The following MGME1 variants were observed in gnomAD, a reference collection of about 807,000 sequenced individuals.
MGME1 encodes chromosome 20 open reading frame 72.
A neutral mutation model predicts 33.0 loss-of-function variants in MGME1; 22 were observed. That is an observed-to-expected ratio of 0.67 (90% CI 0.48 to 0.95). The LOEUF (loss-of-function observed/expected upper bound fraction) is 0.95. Ranked by LOEUF, MGME1 falls within the 40% of genes least tolerant of loss-of-function variation. The probability of loss-of-function intolerance (pLI) is 0.00; values close to 1 mark genes in which losing one functional copy is unlikely to be tolerated. For synonymous variants in MGME1, 133 were observed against 144.0 expected, an observed-to-expected ratio of 0.92 and a Z score of 0.55; for missense variants, 383 against 397.8, an observed-to-expected ratio of 0.96 and a Z score of 0.32.
At chr20:17,969,670 A>G in intron 1 of MGME1, 131 bp from the exon 2 acceptor site, 1 of 555,442 alleles carries the variant, frequency 1.8e-6, no homozygotes, top group Non-Finnish European at 3.1e-6. Context: ...TTTTTTTTGG[A>G]GGCAGGGTCT....
At chr20:17,985,690 A>G (rs2036138124) in intron 3 of MGME1, among the ~76,000 whole-genome samples, 1 of 152,080 alleles carries the variant, frequency 6.6e-6, no homozygotes, top group Admixed American at 6.6e-5. Context: ...CTTTTATACC[A>G]CATTTTTACT....
intron 3 of MGME1, among the ~76,000 whole-genome samples, chr20:17,986,807 A>C (rs1033840911): frequency 9.9e-5 from 15 of 152,050 alleles, no homozygotes; most frequent in Non-Finnish European, 1.5e-4. Context: ...TCAATATTTT[A>C]TAGTTTTCAG....
upstream of MGME1, chr20:17,968,611 G>A (rs760847499): frequency 1.8e-4 from 113 of 634,352 alleles, no homozygotes; most frequent in Middle Eastern, 3.8e-4. Context: ...GAGCAGGCGA[G>A]CAGGGCGCCA....
chr20:17,990,073 G>GAACCAGAATATTCAGA lies in MGME1; in HGVS notation c.1017_1032dup (p.Ter345ThrfsTer32), dbSNP rs958437089. Reference sequence around the variant, plus strand: ...TAGAAGAATATACGGAAAAGAAAAAGAACCAGAATATTCAGAAACCAGAAT... The same window carrying GAACCAGAATATTCAGA: ...TAGAAGAATATACGGAAAAGAAAAAGAACCAGAATATTCAGAAACCAGAATATTCAGAAACCAGAAT... On this transcript the variant is annotated frameshift_variant, in exon 5 of 5. Coordinates refer to ENST00000377710, the MANE Select transcript of MGME1 (RefSeq NM_052865.4). LOFTEE classifies it high-confidence loss of function. The GAACCAGAATATTCAGA allele has an allele frequency of 1.2e-6, 2 of 1,613,924 alleles. No individual in the cohort carries two copies. Among genetic ancestry groups the GAACCAGAATATTCAGA allele is most frequent in the South Asian group, 1.1e-5 (1 of 91,080 alleles).
intron 3 of MGME1, among the ~76,000 whole-genome samples, chr20:17,984,208 C>T (rs2036100305): frequency 6.6e-6 from 1 of 152,182 alleles, no homozygotes; most frequent in African/African-American, 2.4e-5. Flanking sequence ...AATCAATTGA[C>T]TGTAAATTCA....
chr20:17,983,349 G>C (rs2036081432), intron 3 of MGME1, among the ~76,000 whole-genome samples: 1 of 150,816 alleles, frequency 6.6e-6, no homozygotes, highest in Non-Finnish European at 1.5e-5. Context: ...CACTTAGGTT[G>C]TTTCCGCATC....
chr20:17,971,238 C>T (rs1441781003), intron 2 of MGME1, among the ~76,000 whole-genome samples: 2 of 152,184 alleles, frequency 1.3e-5, no homozygotes, highest in Non-Finnish European at 2.9e-5. Context: ...GTCACATGTT[C>T]TAAAGAAAAA....
At chr20:17,986,878 C>T (rs780005926) in intron 3 of MGME1, among the ~76,000 whole-genome samples, 1 of 151,464 alleles carries the variant, frequency 6.6e-6, no homozygotes, top group East Asian at 1.9e-4. Context: ...TACATTGCTG[C>T]AAACAGTGTT....
chr20:17,969,491 C>G (rs2035653046), intron 1 of MGME1, among the ~76,000 whole-genome samples: 1 of 152,196 alleles, frequency 6.6e-6, no homozygotes, highest in Non-Finnish European at 1.5e-5. Context: ...GTGTGGCCGC[C>G]ATGGGACGGG....
intron 2 of MGME1, among the ~76,000 whole-genome samples, chr20:17,974,061 G>GTGTTTT (rs760926414): frequency 2.7e-4 from 23 of 85,484 alleles, no homozygotes; most frequent in Non-Finnish European, 4.5e-4. Flanking sequence ...CTCTTTGTGT[G>GTGTTTT]TTTTTTTTTT....
chr20:17,990,418 G>GGGGC lies in MGME1; in HGVS notation c.*312_*313insCGGG, dbSNP rs1555792166. The stretch of plus-strand genomic sequence containing the variant: ...ACTCCCTTGAGGGACATTGGGGGGG[G>GGGGC]GGGGGCGTGGTCCCAGGCAGGATGC... On this transcript the variant is annotated 3_prime_UTR_variant, in exon 5 of 5. Transcript: ENST00000377710. 1 of 334,348 alleles carries GGGGC rather than the reference G, an allele frequency of 3.0e-6. No individual in the cohort carries two copies. The highest frequency in any genetic ancestry group is 5.5e-6 in the Non-Finnish European group (1 of 180,252). 20.7% of individuals were successfully genotyped at this position (334,348 alleles called of 1,614,324 possible).
intron 4 of MGME1, 52 bp downstream of exon 4, chr20:17,988,350 T>C (rs1568617701): frequency 6.3e-7 from 1 of 1,586,852 alleles, no homozygotes; most frequent in Non-Finnish European, 8.6e-7. Flanking sequence ...TACTTAAAAC[T>C]ATAACTCCGG....
chr20:17,974,281 T>C (rs1374514926), intron 2 of MGME1, among the ~76,000 whole-genome samples: 1 of 152,144 alleles, frequency 6.6e-6, no homozygotes, highest in Non-Finnish European at 1.5e-5. Context: ...GCCAGGCTGG[T>C]CTTGAACTCC....
intron 2 of MGME1, among the ~76,000 whole-genome samples, chr20:17,972,281 G>A: frequency 6.6e-6 from 1 of 152,208 alleles, no homozygotes; most frequent in East Asian, 1.9e-4. Context: ...TCAAAGGTGA[G>A]AGCATAGAAA....
chr20:17,981,824 T>G (rs368795729), intron 3 of MGME1, among the ~76,000 whole-genome samples: 32 of 152,260 alleles, frequency 2.1e-4, no homozygotes, highest in African/African-American at 7.7e-4. Context: ...TAATTTTTTT[T>G]GTATTTTTAA....
intron 4 of MGME1, among the ~76,000 whole-genome samples, chr20:17,988,566 C>T (rs1330961122): frequency 1.3e-5 from 2 of 149,768 alleles, no homozygotes; most frequent in South Asian, 2.1e-4. Flanking sequence ...TGCTTGAACC[C>T]GCGAGGTGGA....
intron 3 of MGME1, among the ~76,000 whole-genome samples, chr20:17,986,716 A>G (rs1043971154): frequency 4.6e-5 from 7 of 152,238 alleles, no homozygotes; most frequent in South Asian, 2.1e-4. Context: ...TTTGGATAGT[A>G]TGGACATTTT....
chr20:17,986,133 G>A (rs775933197), intron 3 of MGME1, among the ~76,000 whole-genome samples: 2 of 151,920 alleles, frequency 1.3e-5, no homozygotes, highest in Non-Finnish European at 2.9e-5. Context: ...CAATGGCACA[G>A]TCTCAGCTCA....
rs10677204 is a variant in MGME1, at chr20:17,981,648, CGTGTGTGT to C, written c.731+5776_731+5783del. Among the ~76,000 whole-genome samples the C allele has an allele frequency of 9.1e-3, 1,269 of 139,806 alleles. 13 individuals are homozygous for C. The highest frequency in any genetic ancestry group is 0.037 in the Middle Eastern group (10 of 268). The allele number at this position is 139,806 out of a possible 152,430, so 91.7% of individuals were successfully genotyped here. ...GAGCCACCTTGCCCAATCTACTACT[CGTGTGTGT>C]GTGTGTGTGTGTGTGTGTGTGTGTG... On this transcript the variant is annotated intron_variant, in intron 3 of 4. Transcript: ENST00000377710.
Sources: allele counts gnomAD v4.1 joint callset (sites outside exome capture counted in the v4.1 genomes callset), GRCh38; gene constraint gnomAD v4.1.1; transcripts MANE v1.5; gene names NCBI Gene and HGNC (gene_info 2026-07-23, HGNC 2026-07-21).